The following LRRTM3 variants were observed in gnomAD, a reference collection of about 807,000 sequenced individuals.
LRRTM3 encodes leucine rich repeat transmembrane neuronal 3, also known as leucine-rich repeat transmembrane neuronal protein 3.
In LRRTM3, 24 loss-of-function variants were observed where a neutral mutation model predicts 44.7. The ratio of observed to expected loss-of-function variants is 0.54; its 90% CI spans 0.39 to 0.76. The LOEUF (loss-of-function observed/expected upper bound fraction) is 0.76, where lower values mean the gene tolerates loss of function less well. LRRTM3 is among the 30% of genes least tolerant of loss of function. LRRTM3 has a pLI of 0.00. For synonymous variants in LRRTM3, 277 were observed against 278.7 expected (o/e 0.99, Z 0.06); for missense variants, 587 against 702.2 (o/e 0.84, Z 1.85).
chr10:67,079,936 T>G (rs550139474), intron 2 of LRRTM3, among the ~76,000 whole-genome samples: 1 of 150,270 alleles, frequency 6.7e-6, no homozygotes, highest in Admixed American at 6.6e-5. Context: ...CACAGCAGCA[T>G]GTAAGAAGTG....
At chr10:67,055,846 TGCC>T (rs1855396952) in intron 2 of LRRTM3, among the ~76,000 whole-genome samples, 1 of 152,152 alleles carries the variant, frequency 6.6e-6, no homozygotes, top group South Asian at 2.1e-4. Flanking sequence ...AATGATAAGT[TGCC>T]ACTGTAAATG....
chr10:66,969,698 C>T (rs1050476345), intron 2 of LRRTM3, among the ~76,000 whole-genome samples: 1 of 152,104 alleles, frequency 6.6e-6, no homozygotes, highest in Non-Finnish European at 1.5e-5. Flanking sequence ...TAGGTCAAAG[C>T]TGATATACTT....
rs1286914912 is a variant in LRRTM3 at position 67,008,764 on chromosome 10, T to C, written c.1536+80312T>C. ...TCAGGCATATTCACAAGTGGTAGCC[T>C]CAGGATTCAAAACAGCAAAATAAGA... On this transcript the variant is annotated intron_variant, in intron 2 of 2. Transcript: ENST00000361320. Among the ~76,000 whole-genome samples the C allele has an allele frequency of 9.2e-5, 14 of 152,274 alleles. No individual in the cohort carries two copies. In the East Asian group the frequency reaches 2.7e-3, roughly 29 times the overall value.
At position 66,927,380 on chromosome 10, in the gene LRRTM3, G is replaced by A; in HGVS notation, c.464G>A (p.Gly155Asp). The change falls in exon 2 of 3, where the codon GGC (glycine) becomes GAC (aspartate). Residue 155 changes from glycine (G) to aspartate (D), a missense_variant. Transcript: ENST00000361320. The surrounding 1 kb of genome is among the most constrained non-coding windows in gnomAD (Gnocchi z 4.7). ...LHSLGSEQFR[G>D]LRKLLSLHLR... ...TCTCTGGGATCTGAACAGTTTCGGG[G>A]CTTGCGGAAGCTGCTGAGTTTACAT... 3 of 1,614,162 alleles carry A rather than the reference G, an allele frequency of 1.9e-6. No homozygotes were observed. The highest frequency in any genetic ancestry group is 2.5e-6 in the Non-Finnish European group (3 of 1,180,030).
intron 2 of LRRTM3, among the ~76,000 whole-genome samples, chr10:66,973,484 C>T (rs1459928609): frequency 6.6e-6 from 1 of 152,066 alleles, no homozygotes; most frequent in African/African-American, 2.4e-5. Context: ...TTTTGGTAAC[C>T]AAGCAATTCT....
At chr10:67,051,463 C>CT (rs11334360) in intron 2 of LRRTM3, among the ~76,000 whole-genome samples, 36 of 129,772 alleles carry the variant, frequency 2.8e-4, no homozygotes, top group African/African-American at 7.1e-4. Context: ...TTTCTTTTTT[C>CT]TTTTTTTTTT....
intron 2 of LRRTM3, among the ~76,000 whole-genome samples, chr10:66,972,614 G>C (rs1849785249): frequency 6.6e-6 from 1 of 150,778 alleles, no homozygotes; most frequent in Admixed American, 6.6e-5. Context: ...TTCATAAAGT[G>C]CTTTTTCTAA....
chr10:67,062,726 T>C (rs564372655), intron 2 of LRRTM3, among the ~76,000 whole-genome samples: 2 of 152,288 alleles, frequency 1.3e-5, no homozygotes, highest in Non-Finnish European at 1.5e-5. Flanking sequence ...GAAGCTACAC[T>C]CCCAGAATTT....
intron 2 of LRRTM3, among the ~76,000 whole-genome samples, chr10:66,940,090 A>G (rs1165260156): frequency 2.0e-5 from 3 of 152,096 alleles, no homozygotes; most frequent in Non-Finnish European, 2.9e-5. Context: ...TGCTTTCAGT[A>G]CTGGAATCTG....
At chr10:66,949,855 A>C (rs564399081) in intron 2 of LRRTM3, among the ~76,000 whole-genome samples, 11 of 152,212 alleles carry the variant, frequency 7.2e-5, no homozygotes, top group Non-Finnish European at 1.5e-4. Flanking sequence ...TGCAGAGAGG[A>C]ATGGATACTG....
chr10:67,004,713 G>A (rs768471969), intron 2 of LRRTM3, among the ~76,000 whole-genome samples: 44 of 152,132 alleles, frequency 2.9e-4, no homozygotes, highest in Admixed American at 2.0e-3. Context: ...TATACTCACT[G>A]ATAAATGCCT....
At chr10:66,981,980 T>C (rs763894914) in intron 2 of LRRTM3, among the ~76,000 whole-genome samples, 5 of 152,124 alleles carry the variant, frequency 3.3e-5, no homozygotes, top group Non-Finnish European at 7.4e-5. Flanking sequence ...TTTTTCTAGG[T>C]TATGAGATTG....
chr10:66,948,841 T>C (rs1358217211), intron 2 of LRRTM3, among the ~76,000 whole-genome samples: 1 of 152,174 alleles, frequency 6.6e-6, no homozygotes, highest in Non-Finnish European at 1.5e-5. Flanking sequence ...AGCAGTCCAA[T>C]ATAATACTTC....
chr10:66,972,071 C>T (rs184667244), intron 2 of LRRTM3, among the ~76,000 whole-genome samples: 3 of 152,284 alleles, frequency 2.0e-5, no homozygotes, highest in Admixed American at 2.0e-4. Context: ...GAACTCTACA[C>T]TCCACTGAGC....
At position 66,978,063 on chromosome 10, in the gene LRRTM3, TATATACACAC is replaced by T. The variant is rs765484680; in HGVS notation, c.1536+49613_1536+49622del. Reference sequence around the variant, plus strand: ...ATAAATTTGCACACACATATATATATATATACACACACACACACACACACACACATGCGAT... The same window carrying T: ...ATAAATTTGCACACACATATATATATACACACACACACACACACATGCGAT... On this transcript the variant is annotated intron_variant, in intron 2 of 2. Transcript: ENST00000361320. 5.2e-4 allele frequency among the ~76,000 whole-genome samples: 51 copies of T among 97,346 alleles called. No individual in the cohort carries two copies. In the South Asian group the frequency reaches 6.1e-3, roughly 12 times the overall value. The allele number at this position is 97,346 out of a possible 152,430, so 63.9% of individuals were successfully genotyped here. A position where few individuals can be genotyped will look rare whatever the true frequency, so the allele number is the denominator to read the frequency against.
rs1189059770 is a variant in LRRTM3 at position 66,942,576 on chromosome 10, C to CTG, written c.1536+14134_1536+14135dup. ...TCTCTCTCTCTCTCTCTCTCTCTCT[C>CTG]TGTGTGTGTGTATGTGTGTGTGTGT... On this transcript the variant is annotated intron_variant, in intron 2 of 2. Transcript: ENST00000361320. Among the ~76,000 whole-genome samples the CTG allele has an allele frequency of 5.6e-4, 79 of 140,358 alleles. 1 individual carries two copies. Among genetic ancestry groups the CTG allele is most frequent in the African/African-American group, 2.0e-3 (74 of 36,170 alleles). 92.1% of individuals were successfully genotyped at this position (140,358 alleles called of 152,430 possible).
chr10:67,035,359 A>C (rs575886784), intron 2 of LRRTM3, among the ~76,000 whole-genome samples: 2 of 152,332 alleles, frequency 1.3e-5, no homozygotes, highest in East Asian at 3.9e-4. Flanking sequence ...TTCAGAAGGG[A>C]CCAAAACTGA....
intron 2 of LRRTM3, among the ~76,000 whole-genome samples, chr10:67,020,227 C>T (rs1852919193): frequency 6.6e-6 from 1 of 152,126 alleles, no homozygotes; most frequent in Admixed American, 6.5e-5. Context: ...AAATATCATC[C>T]TAACAAATGA....
intron 1 of LRRTM3, 68 bp downstream of exon 1, chr10:66,926,655 TA>T: frequency 6.5e-7 from 1 of 1,543,426 alleles, no homozygotes; most frequent in Non-Finnish European, 8.9e-7. Context: ...GTGTGTGTAA[TA>T]ATTCTGCCTT....
Sources: gnomAD v4.1 joint callset for allele counts (sites outside exome capture counted in the v4.1 genomes callset) on GRCh38, gnomAD v4.1.1 for gene constraint, Gnocchi (gnomAD v3.1) non-coding constraint, MANE v1.5 for transcripts, NCBI Gene and HGNC (gene_info 2026-07-23, HGNC 2026-07-21) for gene names.